DNAJC27: variants seen among roughly 807,000 people sequenced by gnomAD.
The protein encoded by DNAJC27 is dnaJ homolog subfamily C member 27.
DNAJC27 carries 25 observed loss-of-function variants against 31.4 expected under a neutral mutation model. The ratio of observed to expected loss-of-function variants is 0.80; its 90% CI spans 0.58 to 1.11. The LOEUF is 1.11. Ranked by LOEUF, DNAJC27 falls within the 50% of genes most tolerant of loss-of-function variation. The probability of loss-of-function intolerance (pLI) is 0.00; values close to 1 mark genes in which losing one functional copy is unlikely to be tolerated. For missense variants in DNAJC27, 356 were observed against 347.3 expected, an observed-to-expected ratio of 1.02 and a Z score of -0.20; for synonymous variants, 106 against 112.7, an observed-to-expected ratio of 0.94 and a Z score of 0.37.
At chr2:24,964,248 G>T (rs914039647) in intron 2 of DNAJC27, among the ~76,000 whole-genome samples, 1 of 151,808 alleles carries the variant, frequency 6.6e-6, no homozygotes, top group South Asian at 2.1e-4. Flanking sequence ...GTGAAACCCC[G>T]TCCCTACTAA....
chr2:24,964,553 C>T (rs928116967), intron 2 of DNAJC27, among the ~76,000 whole-genome samples: 10 of 152,178 alleles, frequency 6.6e-5, no homozygotes, highest in Admixed American at 6.5e-4. Flanking sequence ...TCTATATTCC[C>T]TATGATTCCA....
intron 2 of DNAJC27, among the ~76,000 whole-genome samples, chr2:24,963,934 T>C (rs1400075768): frequency 6.6e-6 from 1 of 152,274 alleles, no homozygotes; most frequent in Non-Finnish European, 1.5e-5. Flanking sequence ...TTTAATTTTC[T>C]TGTGATCTTT....
At position 24,943,649 on chromosome 2, in the gene DNAJC27, C is replaced by T. The variant is rs1665577218; in HGVS notation, c.*3967G>A. On this transcript the variant is annotated 3_prime_UTR_variant, in exon 7 of 7. Transcript: ENST00000264711. ...GCAGCCCACAGACCGGTGTTTGATA[C>T]TTGGCTTTACTTTATAAAAATACAC... 6.6e-6 allele frequency: 1 copy of T among 152,582 alleles called. No homozygotes were observed. Among genetic ancestry groups the T allele is most frequent in the Admixed American group, 6.5e-5 (1 of 15,272 alleles). The allele number at this position is 152,582 out of a possible 1,614,324, so 9.5% of individuals were successfully genotyped here.
chr2:24,948,130 G>A (rs1209356747), intron 6 of DNAJC27, among the ~76,000 whole-genome samples: 1 of 152,084 alleles, frequency 6.6e-6, no homozygotes, highest in African/African-American at 2.4e-5. Flanking sequence ...AAGGGGTTCT[G>A]GGAGAGAACC....
At chr2:24,970,383 A>C (rs1043280327) in intron 1 of DNAJC27, among the ~76,000 whole-genome samples, 1 of 152,142 alleles carries the variant, frequency 6.6e-6, no homozygotes, top group African/African-American at 2.4e-5. Context: ...TAAAACTAGA[A>C]AAATGTTAAG....
intron 3 of DNAJC27, among the ~76,000 whole-genome samples, chr2:24,958,941 T>C (rs1191880898): frequency 6.6e-6 from 1 of 152,226 alleles, no homozygotes; most frequent in Non-Finnish European, 1.5e-5. Flanking sequence ...ACAAGCTATG[T>C]AGTAAGAAAT....
At chr2:24,970,725 T>TATCA (rs1460803692) in intron 1 of DNAJC27, among the ~76,000 whole-genome samples, 1 of 151,658 alleles carries the variant, frequency 6.6e-6, no homozygotes, top group Non-Finnish European at 1.5e-5. Context: ...AAAGTGCTGA[T>TATCA]GTATTACAGG....
chr2:24,965,467 G>A (rs1166546070), intron 2 of DNAJC27, among the ~76,000 whole-genome samples: 2 of 151,946 alleles, frequency 1.3e-5, no homozygotes, highest in Non-Finnish European at 2.9e-5. Flanking sequence ...TGTTGGCCAG[G>A]CTGGTCTCAA....
intron 6 of DNAJC27, 65 bp downstream of exon 6, chr2:24,951,329 A>G (rs1665769074): frequency 1.3e-6 from 2 of 1,485,112 alleles, no homozygotes; most frequent in South Asian, 1.4e-5. Context: ...TACTGCACCT[A>G]TAATTTTGGT....
intron 5 of DNAJC27, among the ~76,000 whole-genome samples, chr2:24,953,253 T>G (rs997218890): frequency 2.0e-5 from 3 of 152,354 alleles, no homozygotes; most frequent in Admixed American, 6.5e-5. Context: ...CTTCTAAAAT[T>G]CTTATCTTTC....
rs754175162 is a variant in DNAJC27, at chr2:24,957,955, T to C, written c.260A>G (p.Lys87Arg). Residue 87 changes from lysine to arginine, a missense_variant, in exon 4 of 7, where the codon AAG becomes AGG. Coordinates refer to ENST00000264711, the MANE Select transcript of DNAJC27 (RefSeq NM_016544.3). ...GACCAGTATCACACCCTGTGTGTCC[T>C]TGTAAAACTCATTTCGAACCTTCAA... ...FFYEVRNEFYKDTQGVILVYD... is the reference protein window; with the variant it reads ...FFYEVRNEFYRDTQGVILVYD... 2 of 1,611,164 alleles carry C rather than the reference T, an allele frequency of 1.2e-6. No individual in the cohort carries two copies. Among genetic ancestry groups the C allele is most frequent in the South Asian group, 1.1e-5 (1 of 90,178 alleles).
chr2:24,971,571 T>C (rs1480875313), intron 1 of DNAJC27: 5 of 373,352 alleles, frequency 1.3e-5, no homozygotes, highest in Admixed American at 4.8e-5. Context: ...TGGGGGTACA[T>C]TCAAGGCTTA....
intron 3 of DNAJC27, chr2:24,963,077 T>C (rs543658910): frequency 2.5e-5 from 6 of 237,796 alleles, no homozygotes; most frequent in African/African-American, 1.4e-4. Flanking sequence ...CATCACTGAG[T>C]TCTTAAGCCC....
chr2:24,964,604 T>C (rs1666132157), intron 2 of DNAJC27, among the ~76,000 whole-genome samples: 1 of 152,168 alleles, frequency 6.6e-6, no homozygotes. Context: ...TGCTAGATTA[T>C]GTGAACTGAT....
intron 3 of DNAJC27, among the ~76,000 whole-genome samples, chr2:24,959,960 C>CA (rs1386820882): frequency 6.6e-6 from 1 of 152,172 alleles, no homozygotes; most frequent in African/African-American, 2.4e-5. Flanking sequence ...TTGTGTCACC[C>CA]ACAGGGCCTA....
In DNAJC27 at chr2:24,963,464, T is replaced by C; in HGVS notation, c.181A>G (p.Arg61Gly). The C allele has an allele frequency of 4.3e-6, 7 of 1,613,410 alleles. No individual in the cohort carries two copies. The highest frequency in any genetic ancestry group is 1.1e-5 in the South Asian group (1 of 90,990). The stretch of plus-strand genomic sequence containing the variant: ...ATGTTAACTTTGATTTCTCTGTCTC[T>C]GACGTGTACCCTGAAATGTTCAAAT... ...IDYGVTKVHV[R>G]DREIKVNIFD... The change falls in exon 3 of 7, where the codon AGA (arginine) becomes GGA (glycine). Residue 61 changes from arginine to glycine, a missense_variant. Coordinates refer to ENST00000264711, the MANE Select transcript of DNAJC27 (RefSeq NM_016544.3).
intron 1 of DNAJC27, among the ~76,000 whole-genome samples, chr2:24,969,638 C>A (rs1018563391): frequency 1.3e-5 from 2 of 152,200 alleles, no homozygotes; most frequent in Non-Finnish European, 2.9e-5. Context: ...GCCACCATGC[C>A]TGGCTAATTT....
Position 24,967,289 on chromosome 2 carries a change from C to G in DNAJC27, c.92G>C (p.Cys31Ser). The stretch of plus-strand genomic sequence containing the variant: ...TTTCTCACAGTATCGCTTTATAATA[C>G]AGCTCTAAAAAGGTAAAAAATACAG... ...SMGNAEVGKSCIIKRYCEKRF... is the reference protein window; with the variant it reads ...SMGNAEVGKSSIIKRYCEKRF... The change falls in exon 2 of 7, where the codon TGT becomes TCT. Residue 31 changes from cysteine to serine, a missense_variant. Transcript: ENST00000264711. The G allele has an allele frequency of 6.2e-7, 1 of 1,611,426 alleles. No individual in the cohort carries two copies.
At chr2:24,968,189 C>T (rs1254121778) in intron 1 of DNAJC27, among the ~76,000 whole-genome samples, 2 of 152,148 alleles carry the variant, frequency 1.3e-5, no homozygotes, top group Non-Finnish European at 2.9e-5. Flanking sequence ...AATTATGGTT[C>T]CCAAGTTAAC....
Sources: allele counts gnomAD v4.1 joint callset (sites outside exome capture counted in the v4.1 genomes callset), GRCh38; gene constraint gnomAD v4.1.1; transcripts MANE v1.5; gene names NCBI Gene and HGNC (gene_info 2026-07-23, HGNC 2026-07-21).